The following NLGN1 variants were observed in gnomAD, a reference collection of about 807,000 sequenced individuals.
The protein encoded by NLGN1 is neuroligin 1.
NLGN1 carries 12 observed loss-of-function variants against 65.5 expected under a neutral mutation model. The observed-to-expected ratio is 0.18, with a 90% confidence interval of 0.12 to 0.30. The LOEUF (loss-of-function observed/expected upper bound fraction) is 0.30. Among genes scored for constraint, NLGN1 ranks in the 10% least tolerant of loss-of-function variants. The pLI, the probability that NLGN1 is intolerant of heterozygous loss-of-function variation, is 1.00. For synonymous variants in NLGN1, 350 were observed against 359.5 expected, an observed-to-expected ratio of 0.97 and a Z score of 0.30; for missense variants, 750 against 1,007.1, an observed-to-expected ratio of 0.74 and a Z score of 3.46.
intron 2 of NLGN1, among the ~76,000 whole-genome samples, chr3:173,470,552 T>A (rs1289417393): frequency 1.3e-5 from 2 of 152,120 alleles, no homozygotes; most frequent in African/African-American, 4.8e-5. Context: ...GTTAGCCATG[T>A]GAATGTGAGC....
intron 4 of NLGN1, among the ~76,000 whole-genome samples, chr3:174,020,262 G>A (rs1233701565): frequency 1.3e-5 from 2 of 152,008 alleles, no homozygotes; most frequent in African/African-American, 2.4e-5. Flanking sequence ...TTGAGGAAGC[G>A]AAATGAATAT....
intron 3 of NLGN1, among the ~76,000 whole-genome samples, chr3:173,683,300 C>T (rs1502465): frequency 0.097 from 14,824 of 152,046 alleles, 751 homozygotes; most frequent in Middle Eastern, 0.24. Flanking sequence ...TTCCTCTTCC[C>T]CCCATGGCAT....
chr3:174,066,506 T>A (rs1317054470), intron 4 of NLGN1, among the ~76,000 whole-genome samples: 3 of 131,840 alleles, frequency 2.3e-5, no homozygotes, highest in African/African-American at 8.4e-5. Flanking sequence ...TTAAATAGAT[T>A]ATGGAACAAG....
At chr3:173,445,486 AG>A (rs1720094270) in intron 2 of NLGN1, among the ~76,000 whole-genome samples, 1 of 152,176 alleles carries the variant, frequency 6.6e-6, no homozygotes, top group Admixed American at 6.5e-5. Context: ...AGACTTGGAG[AG>A]GTTAGATAAT....
intron 4 of NLGN1, among the ~76,000 whole-genome samples, chr3:174,117,359 G>A (rs1453549764): frequency 6.6e-6 from 1 of 152,080 alleles, no homozygotes; most frequent in Admixed American, 6.5e-5. Context: ...GCTCACGCCT[G>A]TAATCCCAGC....
chr3:173,907,124 T>G (rs1253190002), intron 4 of NLGN1, among the ~76,000 whole-genome samples: 1 of 152,150 alleles, frequency 6.6e-6, no homozygotes, highest in East Asian at 1.9e-4. Flanking sequence ...CATCTTATTG[T>G]TGCTGGTCAA....
At chr3:173,852,588 T>G (rs1350259136) in intron 4 of NLGN1, among the ~76,000 whole-genome samples, 1 of 152,130 alleles carries the variant, frequency 6.6e-6, no homozygotes, top group Non-Finnish European at 1.5e-5. Context: ...ATTAAATATC[T>G]TGTTGACCCC....
At chr3:173,790,689 G>T (rs549851510) in intron 3 of NLGN1, among the ~76,000 whole-genome samples, 1 of 152,126 alleles carries the variant, frequency 6.6e-6, no homozygotes, top group South Asian at 2.1e-4. Context: ...GTATGGTTGT[G>T]TGTGTGTGTG....
At chr3:173,658,376 T>G (rs1427371811) in intron 3 of NLGN1, among the ~76,000 whole-genome samples, 1 of 151,934 alleles carries the variant, frequency 6.6e-6, no homozygotes, top group Non-Finnish European at 1.5e-5. Context: ...GATAGACAAG[T>G]TTTGAAGAGA....
chr3:174,277,338 A>C (rs933141335), intron 5 of NLGN1, among the ~76,000 whole-genome samples: 1 of 152,036 alleles, frequency 6.6e-6, no homozygotes, highest in Middle Eastern at 3.4e-3. Flanking sequence ...ATAAGAGGCA[A>C]TTTCACTAAT....
chr3:173,774,529 C>T (rs1036328077), intron 3 of NLGN1, among the ~76,000 whole-genome samples: 6 of 152,116 alleles, frequency 3.9e-5, no homozygotes, highest in Non-Finnish European at 8.8e-5. Flanking sequence ...CACAACCACT[C>T]CCTGCTATCA....
chr3:173,866,442 C>T (rs553125949), intron 4 of NLGN1, among the ~76,000 whole-genome samples: 7 of 152,238 alleles, frequency 4.6e-5, no homozygotes, highest in African/African-American at 1.7e-4. Flanking sequence ...GTATGTCTCT[C>T]TGTAAATGCA....
intron 4 of NLGN1, among the ~76,000 whole-genome samples, chr3:174,013,832 G>C (rs953107193): frequency 2.0e-5 from 3 of 152,090 alleles, no homozygotes; most frequent in Admixed American, 6.5e-5. Flanking sequence ...TCCTACCTCA[G>C]CCTCCCATGG....
At chr3:173,628,038 G>A (rs1755080414) in intron 3 of NLGN1, among the ~76,000 whole-genome samples, 1 of 152,040 alleles carries the variant, frequency 6.6e-6, no homozygotes, top group African/African-American at 2.4e-5. Flanking sequence ...GTCAGGTATT[G>A]CTCTCTTCTT....
At chr3:173,878,654 A>T (rs1732627847) in intron 4 of NLGN1, among the ~76,000 whole-genome samples, 1 of 147,904 alleles carries the variant, frequency 6.8e-6, no homozygotes, top group Admixed American at 6.8e-5. Context: ...ATATGTGTAT[A>T]TATATATATA....
chr3:173,809,240 CTG>C (rs1388852343), intron 4 of NLGN1, among the ~76,000 whole-genome samples: 4 of 152,104 alleles, frequency 2.6e-5, no homozygotes, highest in Non-Finnish European at 4.4e-5. Flanking sequence ...AGTGAAAACT[CTG>C]TGTATTTAAG....
At chr3:173,995,052 C>A (rs1428481887) in intron 4 of NLGN1, among the ~76,000 whole-genome samples, 2 of 152,166 alleles carry the variant, frequency 1.3e-5, no homozygotes, top group Non-Finnish European at 2.9e-5. Flanking sequence ...CCAAAGAATT[C>A]ATTTTTCCTG....
At chr3:173,778,065 T>C (rs1271615133) in intron 3 of NLGN1, among the ~76,000 whole-genome samples, 1 of 151,882 alleles carries the variant, frequency 6.6e-6, no homozygotes, top group Non-Finnish European at 1.5e-5. Context: ...GTGTTAAAGT[T>C]CATCCTTGGT....
intron 4 of NLGN1, among the ~76,000 whole-genome samples, chr3:173,989,813 C>T (rs1220520904): frequency 6.6e-6 from 1 of 152,106 alleles, no homozygotes; most frequent in African/African-American, 2.4e-5. Flanking sequence ...AGCTTCATGT[C>T]CTCAGAGAAC....
Sources: allele counts gnomAD v4.1 joint callset (sites outside exome capture counted in the v4.1 genomes callset), GRCh38; gene constraint gnomAD v4.1.1; transcripts MANE v1.5; gene names NCBI Gene and HGNC (gene_info 2026-07-23, HGNC 2026-07-21).